The following ASB15 variants were observed in gnomAD, a reference collection of about 807,000 sequenced individuals.
ASB15 encodes ankyrin repeat and SOCS box containing 15.
A neutral mutation model predicts 58.0 loss-of-function variants in ASB15; 54 were observed. That is an observed-to-expected ratio of 0.93 (90% CI 0.75 to 1.17). The LOEUF is 1.17. Ranked by LOEUF, ASB15 falls within the 50% of genes most tolerant of loss-of-function variation. ASB15 has a pLI of 0.00. For synonymous variants in ASB15, 249 were observed against 262.4 expected (o/e 0.95, Z 0.50); for missense variants, 680 against 707.4 (o/e 0.96, Z 0.44).
chr7:123,576,871 A>C (rs1222618495), intron 1 of ASB15, among the ~76,000 whole-genome samples: 1 of 152,130 alleles, frequency 6.6e-6, no homozygotes, highest in East Asian at 1.9e-4. Flanking sequence ...ACATTATTCC[A>C]GTTTTGTGAA....
intron 1 of ASB15, among the ~76,000 whole-genome samples, chr7:123,572,925 CT>C (rs1215954212): frequency 6.6e-6 from 1 of 150,860 alleles, no homozygotes; most frequent in Non-Finnish European, 1.5e-5. Flanking sequence ...TCTTTTTTGT[CT>C]TTTTTTGTCC....
At chr7:123,580,262 A>G (rs1799190035) in intron 1 of ASB15, among the ~76,000 whole-genome samples, 1 of 152,042 alleles carries the variant, frequency 6.6e-6, no homozygotes, top group Non-Finnish European at 1.5e-5. Context: ...AAGGTGGCAG[A>G]TGAAGTCCTC....
At position 123,617,827 on chromosome 7, in the gene ASB15, T is replaced by A. The variant is rs895141594; in HGVS notation, c.451+90T>A. 7 of 1,285,438 alleles carry A rather than the reference T, an allele frequency of 5.4e-6. No individual in the cohort carries two copies. In the South Asian group the frequency reaches 9.1e-5, roughly 17 times the overall value. 79.6% of individuals were successfully genotyped at this position (1,285,438 alleles called of 1,614,324 possible). On this transcript the variant is annotated intron_variant, in intron 7 of 11. Transcript: ENST00000451215. ...CACTGTATAATGGCTAAAATTGTGA[T>A]CTCAGTTCCTTCCATTCCCTGAGCT...
At chr7:123,630,172 G>T in intron 11 of ASB15, 53 bp downstream of exon 11, 1 of 1,343,676 alleles carries the variant, frequency 7.4e-7, no homozygotes. Flanking sequence ...TTATATGGGG[G>T]AAATTTCTTA....
intron 2 of ASB15, among the ~76,000 whole-genome samples, chr7:123,605,974 A>C (rs1000295772): frequency 1.3e-5 from 2 of 152,170 alleles, no homozygotes; most frequent in African/African-American, 4.8e-5. Flanking sequence ...AACAAACGTT[A>C]AGATAAAACT....
chr7:123,627,953 C>A (rs1236603706), intron 9 of ASB15, among the ~76,000 whole-genome samples: 1 of 152,112 alleles, frequency 6.6e-6, no homozygotes, highest in African/African-American at 2.4e-5. Context: ...GGCTAAGTGG[C>A]CAGTGACGCA....
chr7:123,606,445 A>G (rs1200460448), intron 2 of ASB15, among the ~76,000 whole-genome samples: 1 of 152,172 alleles, frequency 6.6e-6, no homozygotes, highest in Non-Finnish European at 1.5e-5. Context: ...TTGCCTCTGT[A>G]AAGTCCATCT....
intron 1 of ASB15, among the ~76,000 whole-genome samples, chr7:123,592,529 C>G (rs1345392258): frequency 1.3e-5 from 2 of 152,132 alleles, no homozygotes; most frequent in Admixed American, 6.6e-5. Flanking sequence ...TTTCTGCCTT[C>G]ATTTTGTTAT....
intron 7 of ASB15, among the ~76,000 whole-genome samples, chr7:123,618,753 A>C (rs1283140569): frequency 6.6e-6 from 1 of 152,052 alleles, no homozygotes; most frequent in Non-Finnish European, 1.5e-5. Context: ...CTTAAAAAAA[A>C]ATTTTAAACA....
Position 123,628,850 on chromosome 7 carries a change from C to CT in ASB15, c.870-8dup. The CT allele has an allele frequency of 2.7e-6, 4 of 1,471,350 alleles. No homozygotes were observed. The highest frequency in any genetic ancestry group is 3.6e-6 in the Non-Finnish European group (4 of 1,097,276). The allele number at this position is 1,471,350 out of a possible 1,614,324, so 91.1% of individuals were successfully genotyped here. A position where few individuals can be genotyped will look rare whatever the true frequency, so the allele number is the denominator to read the frequency against. On this transcript the variant is annotated splice_polypyrimidine_tract_variant and intron_variant, in intron 9 of 11. Transcript: ENST00000451215. ...TTCTTTATGGCAAGTAGATATTTGA[C>CT]TTTTTTCTTTTAGTGCACTGAAATA...
At chr7:123,617,827 T>C (rs895141594) in intron 7 of ASB15, 90 bp downstream of exon 7, 23 of 1,285,320 alleles carry the variant, frequency 1.8e-5, no homozygotes, top group Non-Finnish European at 2.2e-5. Flanking sequence ...AAAATTGTGA[T>C]CTCAGTTCCT....
At chr7:123,614,303 A>G in intron 3 of ASB15, 198 bp from the exon 4 acceptor site, 2 of 478,424 alleles carry the variant, frequency 4.2e-6, no homozygotes, top group Non-Finnish European at 7.2e-6. Flanking sequence ...TAAAGGTTTC[A>G]ACAGTTAGAC....
intron 2 of ASB15, among the ~76,000 whole-genome samples, chr7:123,605,468 T>C (rs988503705): frequency 6.6e-6 from 1 of 152,180 alleles, no homozygotes; most frequent in Non-Finnish European, 1.5e-5. Flanking sequence ...AGAATTACCA[T>C]TCAATCCAGT....
chr7:123,579,807 T>G (rs532079186), intron 1 of ASB15, among the ~76,000 whole-genome samples: 10 of 152,080 alleles, frequency 6.6e-5, no homozygotes, highest in South Asian at 2.1e-4. Flanking sequence ...TTCAATATTA[T>G]GAAATTCCTA....
chr7:123,603,207 C>T (rs9649463), intron 1 of ASB15, among the ~76,000 whole-genome samples: 38,250 of 152,016 alleles, frequency 0.25, 4,999 homozygotes, highest in East Asian at 0.27. Context: ...GCAGAAAACT[C>T]TCTGAGGGCA....
chr7:123,587,210 C>A (rs1294335046), intron 1 of ASB15, among the ~76,000 whole-genome samples: 1 of 151,590 alleles, frequency 6.6e-6, no homozygotes, highest in Non-Finnish European at 1.5e-5. Flanking sequence ...TTTGTGTCTT[C>A]TTTCAATGTC....
chr7:123,574,945 T>A (rs1178679441), intron 1 of ASB15, among the ~76,000 whole-genome samples: 2 of 151,864 alleles, frequency 1.3e-5, no homozygotes, highest in African/African-American at 2.4e-5. Flanking sequence ...TTAAGACACA[T>A]AGGGGAGAAA....
At position 123,637,428 on chromosome 7, in the gene ASB15, A is replaced by G. The variant is rs1802480583; in HGVS notation, c.*447A>G. ...TCCACTGCTTTTCTCAAGGTCCCTG[A>G]CAATCTCTTTGTTGGTAAATTCAGT... On this transcript the variant is annotated 3_prime_UTR_variant, in exon 12 of 12. Transcript: ENST00000451215. 6.5e-6 allele frequency: 1 copy of G among 154,074 alleles called. No individual in the cohort carries two copies. The highest frequency in any genetic ancestry group is 2.4e-5 in the African/African-American group (1 of 41,478). The allele number at this position is 154,074 out of a possible 1,614,324, so 9.5% of individuals were successfully genotyped here.
At position 123,583,129 on chromosome 7, in the gene ASB15, C is replaced by T. The variant is rs1471290307; in HGVS notation, c.-443+16041C>T. Among the ~76,000 whole-genome samples, 4 of 152,026 alleles carry T rather than the reference C, an allele frequency of 2.6e-5. No homozygotes were observed. The South Asian group carries it at 6.2e-4, about 24-fold the overall frequency. ...TTGTAGACCTAGGTGCAGTGGCTCA[C>T]TCCCGTAATACAAGCTACTTGGGAG... On this transcript the variant is annotated intron_variant, in intron 1 of 13. Transcript: ENST00000451558.
Sources: gnomAD v4.1 joint callset for allele counts (sites outside exome capture counted in the v4.1 genomes callset) on GRCh38, gnomAD v4.1.1 for gene constraint, MANE v1.5 for transcripts, NCBI Gene and HGNC (gene_info 2026-07-23, HGNC 2026-07-21) for gene names.